The following SAMD12 variants were observed in gnomAD, a reference collection of about 807,000 sequenced individuals.
The protein encoded by SAMD12 is sterile alpha motif domain containing 12.
In SAMD12, 9 loss-of-function variants were observed where a neutral mutation model predicts 15.0. The observed-to-expected ratio is 0.60, with a 90% CI of 0.36 to 1.05. The LOEUF (loss-of-function observed/expected upper bound fraction) is 1.05. Ranked by LOEUF, SAMD12 falls within the 50% of genes least tolerant of loss-of-function variation. The pLI is 0.01. For missense variants in SAMD12, 230 were observed against 234.2 expected (o/e 0.98, Z 0.12); for synonymous variants, 86 against 90.1 (o/e 0.96, Z 0.25).
intron 2 of SAMD12, among the ~76,000 whole-genome samples, chr8:118,559,208 C>G (rs1036593225): frequency 6.6e-6 from 1 of 152,054 alleles, no homozygotes; most frequent in African/African-American, 2.4e-5. Flanking sequence ...CAGGAAGACC[C>G]TTTTTTCCCC....
intron 2 of SAMD12, among the ~76,000 whole-genome samples, chr8:118,569,677 T>A (rs573939623): frequency 6.6e-6 from 1 of 152,202 alleles, no homozygotes; most frequent in Admixed American, 6.5e-5. Flanking sequence ...TAGCTCACTC[T>A]CTCTGCCATA....
At chr8:118,237,098 G>A (rs1812453741) in intron 4 of SAMD12, among the ~76,000 whole-genome samples, 1 of 152,090 alleles carries the variant, frequency 6.6e-6, no homozygotes, top group Admixed American at 6.6e-5. Context: ...TGAGGGTCTG[G>A]GTTAGATGGT....
chr8:118,591,571 A>C (rs974254328), intron 1 of SAMD12, among the ~76,000 whole-genome samples: 3 of 152,210 alleles, frequency 2.0e-5, no homozygotes, highest in African/African-American at 7.2e-5. Flanking sequence ...ACAGTTAAAT[A>C]AACAAAATAG....
chr8:118,430,468 T>C (rs760724062), intron 3 of SAMD12, among the ~76,000 whole-genome samples: 14 of 151,974 alleles, frequency 9.2e-5, no homozygotes, highest in Non-Finnish European at 1.6e-4. Context: ...GTTCAAGCGA[T>C]TCTCCTGCTT....
In SAMD12 at chr8:118,265,938, A is replaced by G. The variant is rs185885594; in HGVS notation, c.434-68206T>C. On this transcript the variant is annotated intron_variant, in intron 4 of 4. Coordinates refer to the SAMD12 transcript ENST00000409003. ...ATAAGGTACATGAATATCACCTTTT[A>G]TTAGTCCATTTTCACACTGTTATAA... Among the ~76,000 whole-genome samples, 53 of 152,268 alleles carry G rather than the reference A, an allele frequency of 3.5e-4. No homozygotes were observed. In the East Asian group the frequency reaches 0.01, roughly 29 times the overall value.
chr8:118,471,274 A>C (rs1230320600), intron 2 of SAMD12, among the ~76,000 whole-genome samples: 1 of 152,166 alleles, frequency 6.6e-6, no homozygotes, highest in Non-Finnish European at 1.5e-5. Context: ...TGCTATTAAA[A>C]GCATCATTTG....
chr8:118,308,284 A>T (rs1815447656), intron 4 of SAMD12, among the ~76,000 whole-genome samples: 1 of 151,934 alleles, frequency 6.6e-6, no homozygotes, highest in South Asian at 2.1e-4. Context: ...CCCTCATTTC[A>T]CCTTCCTCAC....
At chr8:118,211,499 C>G (rs572391661) in intron 4 of SAMD12, among the ~76,000 whole-genome samples, 1 of 152,236 alleles carries the variant, frequency 6.6e-6, no homozygotes, top group South Asian at 2.1e-4. Context: ...CGACAGCTTT[C>G]TTTTGCAAGG....
intron 4 of SAMD12, among the ~76,000 whole-genome samples, chr8:118,217,184 A>T (rs1778834938): frequency 6.6e-6 from 1 of 152,154 alleles, no homozygotes; most frequent in African/African-American, 2.4e-5. Flanking sequence ...TTGTATTTTT[A>T]GTAGAGACAG....
chr8:118,439,405 A>T (rs896200362), intron 3 of SAMD12, among the ~76,000 whole-genome samples: 1 of 152,212 alleles, frequency 6.6e-6, no homozygotes, highest in Non-Finnish European at 1.5e-5. Context: ...ACATGTGTAT[A>T]GCTCACCCAA....
chr8:118,255,512 A>G (rs1352334766), intron 4 of SAMD12, among the ~76,000 whole-genome samples: 2 of 46,806 alleles, frequency 4.3e-5, no homozygotes, highest in Non-Finnish European at 7.6e-5. Context: ...CCCTCCCCCC[A>G]CCCCACAACA....
At chr8:118,347,894 G>A (rs1817747144) in intron 4 of SAMD12, among the ~76,000 whole-genome samples, 1 of 152,132 alleles carries the variant, frequency 6.6e-6, no homozygotes. Flanking sequence ...ATGGCAAAGT[G>A]GCACAGTCAG....
intron 4 of SAMD12, chr8:118,284,567 T>C (rs1010822066): frequency 1.2e-5 from 4 of 336,144 alleles, no homozygotes; most frequent in African/African-American, 8.7e-5. Context: ...ATTCATTAAA[T>C]GCTCTTGCAA....
chr8:118,181,049 TA>T, the SAMD12 span, among the ~76,000 whole-genome samples: 1 of 152,140 alleles, frequency 6.6e-6, no homozygotes, highest in Admixed American at 6.5e-5. Context: ...AATTTTGTAT[TA>T]AATTTTTTTT....
At chr8:118,614,962 T>C (rs1251593784) in intron 1 of SAMD12, among the ~76,000 whole-genome samples, 1 of 152,246 alleles carries the variant, frequency 6.6e-6, no homozygotes, top group African/African-American at 2.4e-5. Context: ...CTTTCCACGC[T>C]TGCTCTTGTG....
downstream of SAMD12, chr8:118,377,938 C>T (rs925652811): frequency 3.3e-5 from 5 of 152,250 alleles, no homozygotes; most frequent in African/African-American, 1.2e-4. Context: ...TATGAATTTG[C>T]AGAAGATTTG....
intron 4 of SAMD12, among the ~76,000 whole-genome samples, chr8:118,359,263 G>A (rs919494923): frequency 1.2e-4 from 19 of 152,166 alleles, no homozygotes; most frequent in African/African-American, 4.6e-4. Context: ...TGAAGACACA[G>A]GGTTAAGTTG....
At chr8:118,613,058 G>A (rs779883992) in intron 1 of SAMD12, among the ~76,000 whole-genome samples, 10 of 152,162 alleles carry the variant, frequency 6.6e-5, no homozygotes, top group African/African-American at 9.7e-5. Flanking sequence ...GTAGAGGGAA[G>A]GACTGACCAC....
intron 2 of SAMD12, among the ~76,000 whole-genome samples, chr8:118,548,096 G>A (rs928280138): frequency 6.6e-6 from 1 of 152,108 alleles, no homozygotes; most frequent in Non-Finnish European, 1.5e-5. Context: ...AAATTAGTGA[G>A]AGAATAGACA....
Sources: allele counts gnomAD v4.1 joint callset (sites outside exome capture counted in the v4.1 genomes callset), GRCh38; gene constraint gnomAD v4.1.1; transcripts MANE v1.5; gene names NCBI Gene and HGNC (gene_info 2026-07-23, HGNC 2026-07-21).